Variants in UNC13C observed in about 807,000 individuals in gnomAD.
The protein encoded by UNC13C is protein unc-13 homolog C.
A neutral mutation model predicts 245.4 loss-of-function variants in UNC13C; 174 were observed. The ratio of observed to expected loss-of-function variants is 0.71; its 90% confidence interval spans 0.63 to 0.80. The LOEUF (loss-of-function observed/expected upper bound fraction) is 0.80. Ranked by LOEUF, UNC13C falls within the 30% of genes least tolerant of loss-of-function variation. UNC13C has a pLI of 0.00. For synonymous variants in UNC13C, 992 were observed against 895.1 expected, an observed-to-expected ratio of 1.11 and a Z score of -1.93; for missense variants, 2,829 against 2,602.9, an observed-to-expected ratio of 1.09 and a Z score of -1.89.
chr15:54,582,987 G>C (rs138178371), intron 30 of UNC13C, among the ~76,000 whole-genome samples: 2,144 of 152,122 alleles, frequency 0.014, 24 homozygotes, highest in Non-Finnish European at 0.021. Flanking sequence ...ATCACCTGTC[G>C]GGCTTGTTTG....
intron 19 of UNC13C, among the ~76,000 whole-genome samples, chr15:54,464,154 A>G (rs943340679): frequency 2.6e-5 from 4 of 152,226 alleles, no homozygotes; most frequent in African/African-American, 9.6e-5. Flanking sequence ...TATTATCAAT[A>G]TGCTCAATAT....
intron 18 of UNC13C, among the ~76,000 whole-genome samples, chr15:54,414,533 G>A (rs751318829): frequency 2.0e-5 from 3 of 152,154 alleles, no homozygotes; most frequent in African/African-American, 4.8e-5. Flanking sequence ...TGTAATCCCA[G>A]CTACTTGGGA....
chr15:54,149,459 G>A (rs1044556188), intron 4 of UNC13C, among the ~76,000 whole-genome samples: 1 of 152,134 alleles, frequency 6.6e-6, no homozygotes, highest in Non-Finnish European at 1.5e-5. Flanking sequence ...ATTCATTACT[G>A]TATAGCCAGT....
chr15:54,285,476 A>T (rs2037120135), intron 10 of UNC13C, among the ~76,000 whole-genome samples: 1 of 152,248 alleles, frequency 6.6e-6, no homozygotes, highest in African/African-American at 2.4e-5. Flanking sequence ...AATCACTAAT[A>T]GGAAATGTGA....
At chr15:54,415,477 A>G (rs1038764765) in intron 19 of UNC13C, among the ~76,000 whole-genome samples, 1 of 152,194 alleles carries the variant, frequency 6.6e-6, no homozygotes, top group Non-Finnish European at 1.5e-5. Flanking sequence ...CTCAAGAACA[A>G]TGGCAGAGGT....
intron 14 of UNC13C, among the ~76,000 whole-genome samples, chr15:54,325,314 G>A (rs574623864): frequency 6.6e-6 from 1 of 151,998 alleles, no homozygotes; most frequent in South Asian, 2.1e-4. Context: ...AGATAAGACT[G>A]GAAGGAAATG....
At chr15:53,932,588 G>A in the UNC13C span, among the ~76,000 whole-genome samples, 1 of 151,908 alleles carries the variant, frequency 6.6e-6, no homozygotes, top group African/African-American at 2.4e-5. Context: ...CCCTTACCTG[G>A]GCTTCCATGA....
chr15:54,179,066 C>T (rs1253191893), intron 4 of UNC13C, among the ~76,000 whole-genome samples: 1 of 152,212 alleles, frequency 6.6e-6, no homozygotes. Flanking sequence ...GCCTGAATAA[C>T]ATGAATGAAG....
At chr15:53,974,063 G>T (rs1347587743), upstream of UNC13C, among the ~76,000 whole-genome samples, 1 of 152,096 alleles carries the variant, frequency 6.6e-6, no homozygotes, top group Non-Finnish European at 1.5e-5. Flanking sequence ...AAGACTTTGA[G>T]CCTGTTTCAT....
intron 19 of UNC13C, among the ~76,000 whole-genome samples, chr15:54,434,341 A>G (rs1483399730): frequency 2.0e-5 from 3 of 152,282 alleles, no homozygotes; most frequent in East Asian, 1.9e-4. Context: ...AAACTATACT[A>G]CAAGGCTATA....
chr15:54,045,536 G>A (rs941645939), intron 2 of UNC13C, among the ~76,000 whole-genome samples: 3 of 152,108 alleles, frequency 2.0e-5, no homozygotes, highest in Non-Finnish European at 4.4e-5. Flanking sequence ...CATGTGTGGT[G>A]GGGCCTCTGA....
chr15:54,318,065 C>T (rs2140973656), intron 13 of UNC13C, among the ~76,000 whole-genome samples: 1 of 151,994 alleles, frequency 6.6e-6, no homozygotes. Flanking sequence ...GGCAGGATTT[C>T]CTTCTTTTTA....
chr15:54,434,598 G>C (rs914790252), intron 19 of UNC13C, among the ~76,000 whole-genome samples: 1 of 152,058 alleles, frequency 6.6e-6, no homozygotes, highest in Non-Finnish European at 1.5e-5. Flanking sequence ...ATGGATTAAA[G>C]ACTTAACCAT....
the UNC13C span, among the ~76,000 whole-genome samples, chr15:53,954,064 A>G: frequency 6.6e-6 from 1 of 152,208 alleles, no homozygotes; most frequent in Non-Finnish European, 1.5e-5. Flanking sequence ...TTTCTTTCTC[A>G]TTCATCATTT....
chr15:54,430,728 T>C (rs1339564928), intron 19 of UNC13C, among the ~76,000 whole-genome samples: 1 of 151,792 alleles, frequency 6.6e-6, no homozygotes, highest in African/African-American at 2.4e-5. Flanking sequence ...AAACACATTT[T>C]GTTTTCACTG....
intron 31 of UNC13C, 46 bp from the exon 32 acceptor site, chr15:54,623,749 T>C: frequency 6.4e-7 from 1 of 1,551,504 alleles, no homozygotes; most frequent in Non-Finnish European, 8.8e-7. Context: ...TCACTCTAAA[T>C]TTCCACACAT....
chr15:54,382,896 C>T (rs2039757895), intron 17 of UNC13C, among the ~76,000 whole-genome samples: 1 of 152,016 alleles, frequency 6.6e-6, no homozygotes, highest in African/African-American at 2.4e-5. Context: ...TACAAAAGAT[C>T]ACCAGAGATT....
At chr15:54,411,539 AT>A (rs977694925) in intron 18 of UNC13C, among the ~76,000 whole-genome samples, 1 of 151,958 alleles carries the variant, frequency 6.6e-6, no homozygotes, top group Admixed American at 6.6e-5. Flanking sequence ...ATGAGTCAAG[AT>A]TTTTTTCTTT....
chr15:54,117,657 C>T (rs2030364738), intron 2 of UNC13C, among the ~76,000 whole-genome samples: 1 of 151,882 alleles, frequency 6.6e-6, no homozygotes, highest in African/African-American at 2.4e-5. Flanking sequence ...TCTTGACTCA[C>T]TGCAGCCTCA....
Sources: gnomAD v4.1 joint callset for allele counts (sites outside exome capture counted in the v4.1 genomes callset) on GRCh38, gnomAD v4.1.1 for gene constraint, MANE v1.5 for transcripts, NCBI Gene and HGNC (gene_info 2026-07-23, HGNC 2026-07-21) for gene names.